GNAQ: variants seen among roughly 807,000 people sequenced by gnomAD.
GNAQ encodes the protein guanine nucleotide-binding protein G(q) subunit alpha.
A neutral mutation model predicts 43.9 loss-of-function variants in GNAQ; 8 were observed. That is an observed-to-expected ratio of 0.18 (90% CI 0.11 to 0.33). The LOEUF is 0.33. GNAQ is among the 10% of genes least tolerant of loss of function. The probability of loss-of-function intolerance (pLI) is 1.00; values close to 1 mark genes in which losing one functional copy is unlikely to be tolerated. For missense variants in GNAQ, 158 were observed against 450.8 expected (o/e 0.35, Z 5.88); for synonymous variants, 155 against 170.7 (o/e 0.91, Z 0.71).
At chr9:77,748,432 C>T (rs1308964176) in intron 5 of GNAQ, among the ~76,000 whole-genome samples, 1 of 152,184 alleles carries the variant, frequency 6.6e-6, no homozygotes, top group African/African-American at 2.4e-5. Context: ...TCCCCTGATG[C>T]TCCCAATTAA....
chr9:77,915,523 A>C (rs761451582), intron 2 of GNAQ, among the ~76,000 whole-genome samples: 1 of 152,172 alleles, frequency 6.6e-6, no homozygotes, highest in Non-Finnish European at 1.5e-5. Flanking sequence ...CAAAACTTTC[A>C]AAAACCATTT....
intron 2 of GNAQ, among the ~76,000 whole-genome samples, chr9:77,847,669 G>A (rs1827608993): frequency 6.6e-6 from 1 of 152,166 alleles, no homozygotes; most frequent in African/African-American, 2.4e-5. Context: ...ATAAGGATTT[G>A]GTCAACTGGC....
At chr9:77,972,499 A>G (rs894173732) in intron 1 of GNAQ, among the ~76,000 whole-genome samples, 2 of 152,218 alleles carry the variant, frequency 1.3e-5, no homozygotes, top group Non-Finnish European at 2.9e-5. Flanking sequence ...TAAGCCCACT[A>G]ATAAATGTGA....
At chr9:77,893,818 A>T (rs10781469) in intron 2 of GNAQ, among the ~76,000 whole-genome samples, 87,365 of 151,984 alleles carry the variant, frequency 0.57, 27,164 homozygotes, top group South Asian at 0.72. Context: ...AATTCAAGGA[A>T]ATCAGGTCCT....
chr9:77,986,571 T>C (rs1823438493), intron 1 of GNAQ, among the ~76,000 whole-genome samples: 1 of 152,168 alleles, frequency 6.6e-6, no homozygotes, highest in Non-Finnish European at 1.5e-5. Context: ...AGTGGCATGA[T>C]AACAGCTCAC....
intron 2 of GNAQ, among the ~76,000 whole-genome samples, chr9:77,882,072 A>T (rs1828217780): frequency 6.6e-6 from 1 of 152,068 alleles, no homozygotes; most frequent in African/African-American, 2.4e-5. Context: ...CAGAAGGCGG[A>T]AGTTGCAGTG....
chr9:77,886,039 C>T (rs769011955), intron 2 of GNAQ, among the ~76,000 whole-genome samples: 1 of 152,100 alleles, frequency 6.6e-6, no homozygotes, highest in Non-Finnish European at 1.5e-5. Context: ...TGCAGTGGCA[C>T]GATCTCGGTT....
chr9:77,986,406 C>T (rs1447204487), intron 1 of GNAQ, among the ~76,000 whole-genome samples: 3 of 152,200 alleles, frequency 2.0e-5, no homozygotes, highest in Non-Finnish European at 2.9e-5. Flanking sequence ...CAGCAACCCT[C>T]AAACCTAATC....
chr9:77,727,563 G>C (rs1185817789), intron 6 of GNAQ, among the ~76,000 whole-genome samples: 2 of 152,116 alleles, frequency 1.3e-5, no homozygotes, highest in East Asian at 3.8e-4. Flanking sequence ...TGCACAAAGA[G>C]CTTAACACTG....
chr9:78,019,420 C>T (rs1823878382), intron 1 of GNAQ, among the ~76,000 whole-genome samples: 1 of 152,176 alleles, frequency 6.6e-6, no homozygotes, highest in African/African-American at 2.4e-5. Context: ...CATGTCAGAG[C>T]CAAACTTGAC....
intron 5 of GNAQ, among the ~76,000 whole-genome samples, chr9:77,762,181 C>T (rs1826045744): frequency 7.3e-6 from 1 of 137,056 alleles, no homozygotes; most frequent in Admixed American, 7.0e-5. Flanking sequence ...GGCGCCTCTG[C>T]CCGGCCACCC....
intron 1 of GNAQ, among the ~76,000 whole-genome samples, chr9:77,922,992 C>T (rs1829019654): frequency 1.3e-5 from 2 of 151,730 alleles, no homozygotes; most frequent in Admixed American, 1.3e-4. Context: ...GAACTACAGG[C>T]ATGCACTACG....
chr9:78,003,603 C>T (rs111650231), intron 1 of GNAQ, among the ~76,000 whole-genome samples: 5,594 of 152,104 alleles, frequency 0.037, 138 homozygotes, highest in Non-Finnish European at 0.058. Context: ...TCATTTGAGA[C>T]CTGGAGTTCA....
chr9:77,897,279 A>C (rs1374999033), intron 2 of GNAQ, among the ~76,000 whole-genome samples: 1 of 152,228 alleles, frequency 6.6e-6, no homozygotes, highest in Non-Finnish European at 1.5e-5. Flanking sequence ...ATTTATGATG[A>C]AGCTCTATTG....
chr9:77,838,204 C>T (rs570448603), intron 2 of GNAQ, among the ~76,000 whole-genome samples: 13 of 136,190 alleles, frequency 9.5e-5, no homozygotes, highest in South Asian at 6.9e-4. Flanking sequence ...AGTGCAATGG[C>T]GCAATCTTGA....
intron 2 of GNAQ, 98 bp downstream of exon 2, chr9:77,922,063 T>G: frequency 1.4e-6 from 1 of 691,504 alleles, no homozygotes; most frequent in Non-Finnish European, 2.5e-6. Flanking sequence ...CAAACCCCCC[T>G]ATGCACTCCA....
At chr9:77,761,833 C>T (rs1438039456) in intron 5 of GNAQ, among the ~76,000 whole-genome samples, 3 of 61,128 alleles carry the variant, frequency 4.9e-5, no homozygotes, top group East Asian at 3.9e-4. Context: ...CCAGCCGCCC[C>T]GTCCGGGAGG....
At chr9:77,981,169 C>T (rs998150181) in intron 1 of GNAQ, among the ~76,000 whole-genome samples, 2 of 152,138 alleles carry the variant, frequency 1.3e-5, no homozygotes, top group African/African-American at 4.8e-5. Context: ...ATTTAATTGG[C>T]CTTTCCCTAT....
At chr9:77,734,848 A>T (rs1410171259) in intron 5 of GNAQ, among the ~76,000 whole-genome samples, 1 of 152,236 alleles carries the variant, frequency 6.6e-6, no homozygotes, top group Non-Finnish European at 1.5e-5. Context: ...TGAATACATG[A>T]GCATGTCTAT....
Sources: gnomAD v4.1 joint callset for allele counts (sites outside exome capture counted in the v4.1 genomes callset) on GRCh38, gnomAD v4.1.1 for gene constraint, MANE v1.5 for transcripts, NCBI Gene and HGNC (gene_info 2026-07-23, HGNC 2026-07-21) for gene names.